The following HIVEP3 variants were observed in gnomAD, a reference collection of about 807,000 sequenced individuals.
The protein encoded by HIVEP3 is HIVEP zinc finger 3.
HIVEP3 carries 49 observed loss-of-function variants against 152.8 expected under a neutral mutation model. The observed-to-expected ratio is 0.32, with a 90% CI of 0.26 to 0.41. The LOEUF is 0.41. Among genes scored for constraint, HIVEP3 ranks in the 10% least tolerant of loss-of-function variants. The probability of loss-of-function intolerance (pLI) is 1.00; values close to 1 mark genes in which losing one functional copy is unlikely to be tolerated. For missense variants in HIVEP3, 2,790 were observed against 3,103.3 expected (o/e 0.90, Z 2.40); for synonymous variants, 1,269 against 1,289.0 (o/e 0.98, Z 0.33).
Position 41,571,341 on chromosome 1 carries a change from T to A in HIVEP3, c.5207+4203A>T, listed in dbSNP as rs184848524. Reference sequence around the variant, plus strand: ...ACTCTCAAGGAACAACATAACTTTGTGTGTGTGAAAACAACACTGCTTAAC... The same window carrying A: ...ACTCTCAAGGAACAACATAACTTTGAGTGTGTGAAAACAACACTGCTTAAC... On this transcript the variant is annotated intron_variant, in intron 5 of 8. Transcript: ENST00000372583. 5.9e-5 allele frequency among the ~76,000 whole-genome samples: 9 copies of A among 152,218 alleles called. 1 individual carries two copies. The highest frequency in any genetic ancestry group is 2.2e-4 in the African/African-American group (9 of 41,466).
intron 3 of HIVEP3, among the ~76,000 whole-genome samples, chr1:41,591,748 C>T (rs1388161232): frequency 3.9e-5 from 6 of 151,972 alleles, no homozygotes; most frequent in Admixed American, 2.0e-4. Flanking sequence ...TTGTCAGTGT[C>T]CTGAATTCTA....
intron 2 of HIVEP3, among the ~76,000 whole-genome samples, chr1:41,638,282 G>GA (rs759889312): frequency 2.7e-5 from 4 of 146,644 alleles, no homozygotes; most frequent in African/African-American, 5.0e-5. Flanking sequence ...AAGAAAGAAA[G>GA]AGGAAGGAAG....
chr1:41,906,212 G>C (rs998358404), intron 1 of HIVEP3, among the ~76,000 whole-genome samples: 2 of 151,998 alleles, frequency 1.3e-5, no homozygotes, highest in African/African-American at 4.8e-5. Flanking sequence ...AGGAGGCTGA[G>C]ACAGGAGAAT....
intron 1 of HIVEP3, among the ~76,000 whole-genome samples, chr1:41,886,400 G>A (rs1644347148): frequency 1.3e-5 from 2 of 152,066 alleles, no homozygotes; most frequent in South Asian, 4.2e-4. Flanking sequence ...AAAAATAGGG[G>A]AGAAAAAATA....
intron 1 of HIVEP3, among the ~76,000 whole-genome samples, chr1:41,938,564 G>C (rs1202802616): frequency 6.6e-6 from 1 of 152,132 alleles, no homozygotes; most frequent in Admixed American, 6.5e-5. Flanking sequence ...AGAAAGTAAG[G>C]ATGAGAACTG....
intron 5 of HIVEP3, among the ~76,000 whole-genome samples, chr1:41,530,535 C>T (rs890561503): frequency 2.0e-5 from 3 of 152,194 alleles, no homozygotes; most frequent in African/African-American, 7.2e-5. Flanking sequence ...GCTTGGTCTC[C>T]CCTTTGCACT....
intron 3 of HIVEP3, among the ~76,000 whole-genome samples, chr1:41,612,170 C>G (rs1010222484): frequency 2.6e-5 from 4 of 152,104 alleles, no homozygotes; most frequent in Non-Finnish European, 5.9e-5. Flanking sequence ...GCCTGCTGCC[C>G]GGTCCCCCAT....
intron 3 of HIVEP3, among the ~76,000 whole-genome samples, chr1:41,623,262 C>T (rs915279374): frequency 6.6e-5 from 10 of 152,216 alleles, no homozygotes; most frequent in African/African-American, 2.4e-4. Context: ...AACCACGAAA[C>T]TTCCTACCTG....
chr1:41,926,528 G>C (rs1644968973), intron 1 of HIVEP3, among the ~76,000 whole-genome samples: 1 of 152,118 alleles, frequency 6.6e-6, no homozygotes, highest in Admixed American at 6.5e-5. Flanking sequence ...GCAGTGGGGA[G>C]GCTATGACCT....
chr1:41,583,727 G>C lies in HIVEP3; in HGVS notation c.1071C>G (p.Thr357=), dbSNP rs565638002. ...GGGCCAGCTTCTGCTTAATCGTGTG[G>C]GTGTCTTCAGGTTTATGGCTCAGGG... ...EHPLSHKPED[T]HTIKQKLALR... The change falls in exon 4 of 9, where the codon ACC becomes ACG. Residue 357 remains threonine, a synonymous_variant. Coordinates refer to ENST00000372583, the MANE Select transcript of HIVEP3 (RefSeq NM_024503.5). This position sits in a 1 kb window ranked among gnomAD's most constrained non-coding sequence, Gnocchi z 6.9. 9 of 1,605,424 alleles carry C rather than the reference G, an allele frequency of 5.6e-6. No individual in the cohort carries two copies. Among genetic ancestry groups the C allele is most frequent in the Non-Finnish European group, 6.8e-6 (8 of 1,175,514 alleles).
intron 5 of HIVEP3, among the ~76,000 whole-genome samples, chr1:41,557,223 T>C (rs1307139411): frequency 1.3e-5 from 2 of 152,242 alleles, no homozygotes; most frequent in Non-Finnish European, 1.5e-5. Flanking sequence ...ATCTGTGTCA[T>C]GTGCTAGGTA....
intron 1 of HIVEP3, among the ~76,000 whole-genome samples, chr1:41,902,558 C>CAGCCACTCCA (rs1644642997): frequency 6.6e-6 from 1 of 152,214 alleles, no homozygotes; most frequent in African/African-American, 2.4e-5. Context: ...CAGAAACTCC[C>CAGCCACTCCA]AGCCACTCCA....
intron 1 of HIVEP3, among the ~76,000 whole-genome samples, chr1:41,991,245 C>T (rs956958778): frequency 2.7e-5 from 4 of 147,426 alleles, no homozygotes; most frequent in South Asian, 2.2e-4. Context: ...CAAAATAGAC[C>T]GCTAGCAAGA....
At chr1:41,641,196 C>T (rs757272582) in intron 2 of HIVEP3, among the ~76,000 whole-genome samples, 1 of 152,232 alleles carries the variant, frequency 6.6e-6, no homozygotes, top group Admixed American at 6.5e-5. Context: ...GTGGAGGCCT[C>T]GGGAGATCCC....
intron 5 of HIVEP3, among the ~76,000 whole-genome samples, chr1:41,555,676 C>G (rs1227670428): frequency 2.0e-5 from 3 of 152,216 alleles, no homozygotes; most frequent in African/African-American, 7.2e-5. Flanking sequence ...GTATTAAGTA[C>G]ATTCACATTG....
intron 5 of HIVEP3, among the ~76,000 whole-genome samples, chr1:41,531,156 GAAGGGAGGACAGGAGCGA>G (rs1643234221): frequency 6.7e-6 from 1 of 150,340 alleles, no homozygotes; most frequent in African/African-American, 2.5e-5. Flanking sequence ...GGACAGGAGA[GAAGGGAGGACAGGAGCGA>G]AGGGAGGACA....
At chr1:41,960,621 T>C (rs913891231) in intron 1 of HIVEP3, among the ~76,000 whole-genome samples, 1 of 152,224 alleles carries the variant, frequency 6.6e-6, no homozygotes, top group African/African-American at 2.4e-5. Flanking sequence ...CTCTGTCCTA[T>C]ACTGCTTTCT....
At chr1:41,812,923 C>T (rs1269122775) in intron 1 of HIVEP3, among the ~76,000 whole-genome samples, 1 of 151,360 alleles carries the variant, frequency 6.6e-6, no homozygotes, top group Non-Finnish European at 1.5e-5. Flanking sequence ...GAGCCAAGCG[C>T]TTTCTGGACC....
intron 1 of HIVEP3, among the ~76,000 whole-genome samples, chr1:42,035,494 G>A (rs1645636321): frequency 6.6e-6 from 1 of 152,224 alleles, no homozygotes; most frequent in African/African-American, 2.4e-5. Context: ...AGCGCGTTGC[G>A]GGGACAGGTG....
Sources: gnomAD v4.1 joint callset for allele counts (sites outside exome capture counted in the v4.1 genomes callset) on GRCh38, gnomAD v4.1.1 for gene constraint, Gnocchi (gnomAD v3.1) non-coding constraint, MANE v1.5 for transcripts, NCBI Gene and HGNC (gene_info 2026-07-23, HGNC 2026-07-21) for gene names.